SLC24A3: variants seen among roughly 807,000 people sequenced by gnomAD.
The protein encoded by SLC24A3 is solute carrier family 24 member 3, also known as sodium/potassium/calcium exchanger 3.
SLC24A3 carries 28 observed loss-of-function variants against 75.8 expected under a neutral mutation model. The ratio of observed to expected loss-of-function variants is 0.37; its 90% CI spans 0.27 to 0.51. The LOEUF is 0.51. SLC24A3 is among the 20% of genes least tolerant of loss of function. SLC24A3 has a pLI of 0.94. For missense variants in SLC24A3, 663 were observed against 847.8 expected, an observed-to-expected ratio of 0.78 and a Z score of 2.71; for synonymous variants, 372 against 334.1, an observed-to-expected ratio of 1.11 and a Z score of -1.24.
chr20:19,294,721 A>G (rs1364849076), intron 2 of SLC24A3, among the ~76,000 whole-genome samples: 1 of 152,062 alleles, frequency 6.6e-6, no homozygotes, highest in Non-Finnish European at 1.5e-5. Flanking sequence ...TGTCTTTGCT[A>G]TTGTGAATAG....
chr20:19,373,301 C>G (rs527829676), intron 2 of SLC24A3, among the ~76,000 whole-genome samples: 10 of 152,338 alleles, frequency 6.6e-5, no homozygotes, highest in Admixed American at 5.9e-4. Context: ...CTTCCTTGTC[C>G]TGCCCAGGTC....
At chr20:19,445,296 T>C (rs1025574469) in intron 2 of SLC24A3, among the ~76,000 whole-genome samples, 6 of 152,182 alleles carry the variant, frequency 3.9e-5, no homozygotes, top group Admixed American at 3.9e-4. Flanking sequence ...TAATTACTCC[T>C]ACATCAACAA....
At chr20:19,292,976 C>A (rs943741499) in intron 2 of SLC24A3, among the ~76,000 whole-genome samples, 11 of 152,108 alleles carry the variant, frequency 7.2e-5, no homozygotes, top group Non-Finnish European at 1.2e-4. Context: ...TCTTAATCAT[C>A]TTCCCAAAGG....
At chr20:19,599,336 G>C (rs1454908690) in intron 6 of SLC24A3, among the ~76,000 whole-genome samples, 1 of 152,120 alleles carries the variant, frequency 6.6e-6, no homozygotes, top group Admixed American at 6.5e-5. Context: ...CTGTCTTGCG[G>C]TCCCTCCCGC....
At chr20:19,318,062 C>T (rs1984624044) in intron 2 of SLC24A3, among the ~76,000 whole-genome samples, 1 of 152,172 alleles carries the variant, frequency 6.6e-6, no homozygotes, top group Non-Finnish European at 1.5e-5. Context: ...TGGAGCAGCC[C>T]TCAACCAATG....
At chr20:19,719,240 G>A (rs181795575) in intron 16 of SLC24A3, among the ~76,000 whole-genome samples, 36 of 152,220 alleles carry the variant, frequency 2.4e-4, no homozygotes, top group African/African-American at 8.7e-4. Flanking sequence ...ATTGGAGACC[G>A]TGGGCAGACA....
chr20:19,231,375 G>T (rs1323604594), intron 1 of SLC24A3, among the ~76,000 whole-genome samples: 1 of 152,216 alleles, frequency 6.6e-6, no homozygotes, highest in Admixed American at 6.5e-5. Flanking sequence ...CAGGTTGCAA[G>T]TTAGCTGACC....
chr20:19,298,041 G>A (rs1984100728), intron 2 of SLC24A3, among the ~76,000 whole-genome samples: 3 of 152,248 alleles, frequency 2.0e-5, no homozygotes, highest in South Asian at 4.1e-4. Flanking sequence ...CTAAGAAGGT[G>A]GGGGAATGGT....
At chr20:19,528,904 A>T (rs576683498) in intron 3 of SLC24A3, among the ~76,000 whole-genome samples, 3 of 152,240 alleles carry the variant, frequency 2.0e-5, no homozygotes, top group African/African-American at 7.2e-5. Context: ...CCCAAGCCCA[A>T]ATTCATTGGA....
Position 19,376,117 on chromosome 20 carries a change from A to T in SLC24A3, c.271+95030A>T, listed in dbSNP as rs1986079405. On this transcript the variant is annotated intron_variant, in intron 2 of 16. Transcript: ENST00000328041. ...TGAGTGTGTGTTTGTGTGTGGGGGT[A>T]CACACTGAAAGAAAATAAATAAGGA... Among the ~76,000 whole-genome samples, 2 of 152,302 alleles carry T rather than the reference A, an allele frequency of 1.3e-5. 1 individual carries two copies. Among genetic ancestry groups the T allele is most frequent in the South Asian group, 4.1e-4 (2 of 4,828 alleles).
At chr20:19,580,530 T>C (rs1389338170) in intron 4 of SLC24A3, among the ~76,000 whole-genome samples, 1 of 152,070 alleles carries the variant, frequency 6.6e-6, no homozygotes, top group Non-Finnish European at 1.5e-5. Context: ...TCTGTATATG[T>C]ACAGAAATGC....
intron 2 of SLC24A3, among the ~76,000 whole-genome samples, chr20:19,309,562 C>A (rs1568585475): frequency 7.0e-6 from 1 of 142,384 alleles, no homozygotes; most frequent in African/African-American, 3.0e-5. Flanking sequence ...GGTACCTATG[C>A]ACACTGAATT....
chr20:19,302,969 G>T (rs1984229550), intron 2 of SLC24A3, among the ~76,000 whole-genome samples: 1 of 151,540 alleles, frequency 6.6e-6, no homozygotes. Flanking sequence ...GTTTTAATAG[G>T]TTGTGGAACG....
intron 1 of SLC24A3, among the ~76,000 whole-genome samples, chr20:19,267,613 G>T (rs1396620987): frequency 6.6e-6 from 1 of 151,994 alleles, no homozygotes; most frequent in Non-Finnish European, 1.5e-5. Context: ...ATGTAATTTT[G>T]ATTCCAAATT....
chr20:19,619,424 A>G (rs774358867), intron 6 of SLC24A3, among the ~76,000 whole-genome samples: 23 of 152,154 alleles, frequency 1.5e-4, no homozygotes, highest in Non-Finnish European at 3.1e-4. Flanking sequence ...CAGAATATGT[A>G]CTATGCATAT....
chr20:19,557,935 A>C (rs1041619110), intron 3 of SLC24A3, among the ~76,000 whole-genome samples: 4 of 152,186 alleles, frequency 2.6e-5, no homozygotes, highest in African/African-American at 9.7e-5. Context: ...TTTTTAATGG[A>C]GTCATAACAG....
intron 3 of SLC24A3, among the ~76,000 whole-genome samples, chr20:19,574,245 T>G (rs902413907): frequency 1.3e-5 from 2 of 152,216 alleles, no homozygotes; most frequent in Non-Finnish European, 2.9e-5. Flanking sequence ...AAGTTTACTT[T>G]GTCATTTAGT....
chr20:19,357,207 C>A (rs1050376127), intron 2 of SLC24A3, among the ~76,000 whole-genome samples: 1 of 152,184 alleles, frequency 6.6e-6, no homozygotes, highest in Non-Finnish European at 1.5e-5. Context: ...GGGATGCTGG[C>A]AGCCCCCAGA....
At chr20:19,491,682 T>C (rs1457125702) in intron 2 of SLC24A3, among the ~76,000 whole-genome samples, 1 of 151,962 alleles carries the variant, frequency 6.6e-6, no homozygotes, top group African/African-American at 2.4e-5. Flanking sequence ...TCCCCAGAAG[T>C]GCTTTCAAGA....
Sources: gnomAD v4.1 joint callset for allele counts (sites outside exome capture counted in the v4.1 genomes callset) on GRCh38, gnomAD v4.1.1 for gene constraint, MANE v1.5 for transcripts, NCBI Gene and HGNC (gene_info 2026-07-23, HGNC 2026-07-21) for gene names.